Variants in GSPT2 observed in about 807,000 individuals in gnomAD.
GSPT2 encodes eukaryotic peptide chain release factor GTP-binding subunit ERF3B.
A neutral mutation model predicts 24.6 loss-of-function variants in GSPT2; 2 were observed. The ratio of observed to expected loss-of-function variants is 0.08; its 90% CI spans 0.03 to 0.26. The LOEUF (loss-of-function observed/expected upper bound fraction) is 0.26, where lower values mean the gene tolerates loss of function less well. Among genes scored for constraint, GSPT2 ranks in the 10% least tolerant of loss-of-function variants. The pLI is 1.00. For missense variants in GSPT2, 322 were observed against 489.6 expected, an observed-to-expected ratio of 0.66 and a Z score of 3.23; for synonymous variants, 194 against 189.3, an observed-to-expected ratio of 1.02 and a Z score of -0.20.
Position 51,743,548 on chromosome X carries a change from C to A in GSPT2, c.-79C>A. ...ACCCCTTGGCCCTTCGCTCTTGCTG[C>A]CTTAACCCCGCCGGCGGAGCCCGCT... On this transcript the variant is annotated 5_prime_UTR_variant, in exon 1 of 1. Transcript: ENST00000340438. The A allele has an allele frequency of 1.1e-6, 1 of 940,114 alleles. No individual in the cohort carries two copies. The highest frequency in any genetic ancestry group is 1.5e-6 in the Non-Finnish European group (1 of 682,878). The allele number at this position is 940,114 out of a possible 1,213,427, so 77.5% of individuals were successfully genotyped here.
chrX:51,745,717 C>G lies in GSPT2; in HGVS notation c.*204C>G, dbSNP rs186091471. The stretch of plus-strand genomic sequence containing the variant: ...GAATTTACCCTCAAGTTTCCTTCCT[C>G]TGTACCACTCTGCTTCCTTGGACAA... On this transcript the variant is annotated 3_prime_UTR_variant, in exon 1 of 1. Coordinates refer to ENST00000340438, the MANE Select transcript of GSPT2 (RefSeq NM_018094.5). 9.5e-6 allele frequency: 4 copies of G among 420,765 alleles called. No homozygotes were observed. The African/African-American group carries it at 1.0e-4, about 11-fold the overall frequency. The allele number at this position is 420,765 out of a possible 1,213,427, so 34.7% of individuals were successfully genotyped here.
chrX:51,743,729 G>A lies in GSPT2; in HGVS notation c.103G>A (p.Ala35Thr), dbSNP rs897970393. 4.1e-6 allele frequency: 5 copies of A among 1,209,581 alleles called. No individual in the cohort carries two copies. The highest frequency in any genetic ancestry group is 2.2e-5 in the Admixed American group (1 of 45,953). ...CCCGAGCGGGGATGGAGTCTCCTCTGCGGTGGCCGAGGCCCAGCGCGAGCC... is the reference window on the plus strand; with the variant it reads ...CCCGAGCGGGGATGGAGTCTCCTCTACGGTGGCCGAGGCCCAGCGCGAGCC... The part of the protein sequence containing the change: ...SAPSGDGVSS[A>T]VAEAQREPLS... The change falls in exon 1 of 1, where the codon GCG becomes ACG. Residue 35 changes from alanine (A) to threonine (T), a missense_variant. Physicochemically the swap from Ala to Thr is moderately conservative, Grantham distance 58 (BLOSUM62 0). Around this residue, in one of 4 missense-constraint regions of GSPT2, gnomAD observed 125 missense variants for 121.3 expected, o/e 1.03. Transcript: ENST00000340438.
Position 51,745,584 on chromosome X carries a change from T to C in GSPT2, c.*71T>C. 1.6e-6 allele frequency: 1 copy of C among 638,882 alleles called. No individual in the cohort carries two copies. Among genetic ancestry groups the C allele is most frequent in the Non-Finnish European group, 2.5e-6 (1 of 403,656 alleles). The allele number at this position is 638,882 out of a possible 1,213,427, so 52.7% of individuals were successfully genotyped here. ...AGCAAAAGTTCACCACCTACTCTTA[T>C]TTACTGCCCATTGATTGACTTTTCT... On this transcript the variant is annotated 3_prime_UTR_variant, in exon 1 of 1. Coordinates refer to ENST00000340438, the MANE Select transcript of GSPT2 (RefSeq NM_018094.5).
chrX:51,745,042 T>C lies in GSPT2; in HGVS notation c.1416T>C (p.Val472=), dbSNP rs1469937642. Residue 472 remains valine, a synonymous_variant, in exon 1 of 1, where the codon GTT becomes GTC. Transcript: ENST00000340438. The stretch of plus-strand genomic sequence containing the variant: ...TGCCAAACAAGCACAATGTAGAAGT[T>C]CTTGGAATACTTTCTGATGATACTG... ...VMMPNKHNVE[V]LGILSDDTET... 2 of 1,204,164 alleles carry C rather than the reference T, an allele frequency of 1.7e-6. No homozygotes were observed. Among genetic ancestry groups the C allele is most frequent in the Non-Finnish European group, 2.2e-6 (2 of 890,164 alleles).
Position 51,745,788 on chromosome X carries a change from T to A in GSPT2, c.*275T>A. The A allele has an allele frequency of 3.3e-6, 1 of 300,380 alleles. No homozygotes were observed. The highest frequency in any genetic ancestry group is 6.0e-6 in the Non-Finnish European group (1 of 166,635). The allele number at this position is 300,380 out of a possible 1,213,427, so 24.8% of individuals were successfully genotyped here. ...GTGATGTGGACGTAATTGCCTACAG[T>A]AATGAAAAATTAATGTACTTTAATT... On this transcript the variant is annotated 3_prime_UTR_variant, in exon 1 of 1. Coordinates refer to ENST00000340438, the MANE Select transcript of GSPT2 (RefSeq NM_018094.5).
chrX:51,744,436 A>G lies in GSPT2; in HGVS notation c.810A>G (p.Glu270=), dbSNP rs1557348896. ...AACGAGACAAGGGTAAAACAGTCGA[A>G]GTGGGTCGTGCCTATTTTGAAACAG... The part of the protein sequence containing the change: ...QEERDKGKTV[E]VGRAYFETER... Residue 270 remains glutamate (E), a synonymous_variant, in exon 1 of 1, where the codon GAA becomes GAG. Transcript: ENST00000340438. The G allele has an allele frequency of 1.7e-6, 2 of 1,210,928 alleles. No homozygotes were observed. Among genetic ancestry groups the G allele is most frequent in the Non-Finnish European group, 2.2e-6 (2 of 894,659 alleles).
In GSPT2 at chrX:51,744,465, G is replaced by A. The variant is rs967064687; in HGVS notation, c.839G>A (p.Arg280Lys). The A allele has an allele frequency of 5.8e-6, 7 of 1,211,211 alleles. No individual in the cohort carries two copies. The highest frequency in any genetic ancestry group is 1.8e-5 in the South Asian group (1 of 56,953). Residue 280 changes from arginine (R) to lysine (K), a missense_variant, in exon 1 of 1, where the codon AGG becomes AAG. By Grantham distance (26) the Arg-to-Lys change is conservative. Around this residue, in one of 4 missense-constraint regions of GSPT2, gnomAD observed 72 missense variants for 121.5 expected, o/e 0.59. Coordinates refer to ENST00000340438, the MANE Select transcript of GSPT2 (RefSeq NM_018094.5). Reference sequence around the variant, plus strand: ...GGTCGTGCCTATTTTGAAACAGAAAGGAAACATTTCACAATTTTAGATGCC... The same window carrying A: ...GGTCGTGCCTATTTTGAAACAGAAAAGAAACATTTCACAATTTTAGATGCC... ...EVGRAYFETE[R>K]KHFTILDAPG...
Position 51,745,561 on chromosome X carries a change from C to A in GSPT2, c.*48C>A. 1 of 805,970 alleles carries A rather than the reference C, an allele frequency of 1.2e-6. No individual in the cohort carries two copies. Among genetic ancestry groups the A allele is most frequent in the African/African-American group, 2.0e-5 (1 of 49,080 alleles). The allele number at this position is 805,970 out of a possible 1,213,427, so 66.4% of individuals were successfully genotyped here. A position where few individuals can be genotyped will look rare whatever the true frequency, so the allele number is the denominator to read the frequency against. On this transcript the variant is annotated 3_prime_UTR_variant, in exon 1 of 1. Coordinates refer to ENST00000340438, the MANE Select transcript of GSPT2 (RefSeq NM_018094.5). ...AAGATACTGTGAGGAGAATTGACAG[C>A]AAAAGTTCACCACCTACTCTTATTT...
In GSPT2 at chrX:51,745,500, C is replaced by T; in HGVS notation, c.1874C>T (p.Pro625Leu). Residue 625 changes from proline to leucine, a missense_variant, in exon 1 of 1, where the codon CCA becomes CTA. Coordinates refer to ENST00000340438, the MANE Select transcript of GSPT2 (RefSeq NM_018094.5). ...ATTGGAAAAGTTCTGAAATTGGTCC[C>T]AGAGAAGGACTAAGCAATTTTCTTG... ...IAIGKVLKLV[P>L]EKD 1 of 1,184,043 alleles carries T rather than the reference C, an allele frequency of 8.4e-7. No individual in the cohort carries two copies. The highest frequency in any genetic ancestry group is 3.0e-5 in the East Asian group (1 of 33,732).
chrX:51,745,668 G>T lies in GSPT2; in HGVS notation c.*155G>T, dbSNP rs1163465764. 2.2e-6 allele frequency: 1 copy of T among 455,944 alleles called. No homozygotes were observed. Among genetic ancestry groups the T allele is most frequent in the Non-Finnish European group, 3.9e-6 (1 of 258,672 alleles). The allele number at this position is 455,944 out of a possible 1,213,427, so 37.6% of individuals were successfully genotyped here. On this transcript the variant is annotated 3_prime_UTR_variant, in exon 1 of 1. Coordinates refer to ENST00000340438, the MANE Select transcript of GSPT2 (RefSeq NM_018094.5). The stretch of plus-strand genomic sequence containing the variant: ...ATTCATGTTTTGTCAGCTTTCTCAT[G>T]TTGAGATCTGTTATGTCACTGATGA...
At position 51,745,676 on chromosome X, in the gene GSPT2, C is replaced by A; in HGVS notation, c.*163C>A. ...TTTGTCAGCTTTCTCATGTTGAGAT[C>A]TGTTATGTCACTGATGAATTTACCC... On this transcript the variant is annotated 3_prime_UTR_variant, in exon 1 of 1. Transcript: ENST00000340438. The A allele has an allele frequency of 4.4e-6, 2 of 454,931 alleles. No individual in the cohort carries two copies. Among genetic ancestry groups the A allele is most frequent in the South Asian group, 3.5e-5 (1 of 28,343 alleles). The allele number at this position is 454,931 out of a possible 1,213,427, so 37.5% of individuals were successfully genotyped here.
Position 51,745,615 on chromosome X carries a change from T to C in GSPT2, c.*102T>C, listed in dbSNP as rs1433304693. ...GCCCATTGATTGACTTTTCTTCATA[T>C]TTTGCAAAGAGAAATTTCACAGCAA... On this transcript the variant is annotated 3_prime_UTR_variant, in exon 1 of 1. Coordinates refer to ENST00000340438, the MANE Select transcript of GSPT2 (RefSeq NM_018094.5). 3.6e-6 allele frequency: 2 copies of C among 548,639 alleles called. No individual in the cohort carries two copies. Among genetic ancestry groups the C allele is most frequent in the South Asian group, 3.1e-5 (1 of 32,084 alleles). 45.2% of individuals were successfully genotyped at this position (548,639 alleles called of 1,213,427 possible).
rs1419169869 is a variant in GSPT2 at position 51,746,048 on chromosome X, A to G, written c.*535A>G. 8.0e-6 allele frequency: 1 copy of G among 124,663 alleles called. No individual in the cohort carries two copies. The highest frequency in any genetic ancestry group is 1.9e-5 in the Non-Finnish European group (1 of 53,864). 10.3% of individuals were successfully genotyped at this position (124,663 alleles called of 1,213,427 possible). A position where few individuals can be genotyped will look rare whatever the true frequency, so the allele number is the denominator to read the frequency against. ...TATGTTCTATCACTTAAAAACTTAAAAACTCTTCACCACTTACTGTTTTAA... is the reference window on the plus strand; with the variant it reads ...TATGTTCTATCACTTAAAAACTTAAGAACTCTTCACCACTTACTGTTTTAA... On this transcript the variant is annotated 3_prime_UTR_variant, in exon 1 of 1. Transcript: ENST00000340438.
chrX:51,746,002 T>C lies in GSPT2; in HGVS notation c.*489T>C. The C allele has an allele frequency of 7.9e-6, 1 of 127,147 alleles. No individual in the cohort carries two copies. 10.5% of individuals were successfully genotyped at this position (127,147 alleles called of 1,213,427 possible). On this transcript the variant is annotated 3_prime_UTR_variant, in exon 1 of 1. Coordinates refer to ENST00000340438, the MANE Select transcript of GSPT2 (RefSeq NM_018094.5). ...ATGTAATGCTATTCAATTAGCTTTA[T>C]TACTTTCTCAAATAGTTGAATATGT...
In GSPT2 at chrX:51,744,071, T is replaced by A; in HGVS notation, c.445T>A (p.Ser149Thr). ...AGAGGTGGAAATGGCCCTAGAAGAATCATGGGAGCACAGTAAAGAAGTAAG... is the reference window on the plus strand; with the variant it reads ...AGAGGTGGAAATGGCCCTAGAAGAAACATGGGAGCACAGTAAAGAAGTAAG... ...NGEVEMALEE[S>T]WEHSKEVSEA... The change falls in exon 1 of 1, where the codon TCA (serine) becomes ACA (threonine). Residue 149 changes from serine (S) to threonine (T), a missense_variant. Ser to Thr is a moderately conservative substitution (Grantham distance 58, BLOSUM62 1). Around this residue, in one of 4 missense-constraint regions of GSPT2, gnomAD observed 72 missense variants for 121.5 expected, o/e 0.59. Transcript: ENST00000340438. 2 of 1,209,505 alleles carry A rather than the reference T, an allele frequency of 1.7e-6. No homozygotes were observed. Among genetic ancestry groups the A allele is most frequent in the Admixed American group, 2.2e-5 (1 of 45,927 alleles).
chrX:51,745,719 G>A lies in GSPT2; in HGVS notation c.*206G>A. On this transcript the variant is annotated 3_prime_UTR_variant, in exon 1 of 1. Coordinates refer to ENST00000340438, the MANE Select transcript of GSPT2 (RefSeq NM_018094.5). The stretch of plus-strand genomic sequence containing the variant: ...ATTTACCCTCAAGTTTCCTTCCTCT[G>A]TACCACTCTGCTTCCTTGGACAATA... 2.4e-6 allele frequency: 1 copy of A among 421,260 alleles called. No homozygotes were observed. Among genetic ancestry groups the A allele is most frequent in the East Asian group, 3.9e-5 (1 of 25,330 alleles). 34.7% of individuals were successfully genotyped at this position (421,260 alleles called of 1,213,427 possible). A position where few individuals can be genotyped will look rare whatever the true frequency, so the allele number is the denominator to read the frequency against.
rs1336430358 is a variant in GSPT2, at chrX:51,746,096, A to G, written c.*583A>G. 5 of 124,244 alleles carry G rather than the reference A, an allele frequency of 4.0e-5. No homozygotes were observed. In the East Asian group the frequency reaches 8.3e-4, roughly 21 times the overall value. The allele number at this position is 124,244 out of a possible 1,213,427, so 10.2% of individuals were successfully genotyped here. A position where few individuals can be genotyped will look rare whatever the true frequency, so the allele number is the denominator to read the frequency against. ...TAAGTGAGGAATTTACAAACAATGC[A>G]TAAGTGTGTATTAAAGGAATAATTT... is the stretch of plus-strand genomic sequence containing the variant. On this transcript the variant is annotated 3_prime_UTR_variant, in exon 1 of 1. Transcript: ENST00000340438.
rs1289883823 is a variant in GSPT2 at position 51,745,605 on chromosome X, TTTC to T, written c.*96_*98del. 7 of 568,504 alleles carry T rather than the reference TTTC, an allele frequency of 1.2e-5. No homozygotes were observed. In the African/African-American group the frequency reaches 1.6e-4, roughly 13 times the overall value. The allele number at this position is 568,504 out of a possible 1,213,427, so 46.9% of individuals were successfully genotyped here. The stretch of plus-strand genomic sequence containing the variant: ...CTTATTTACTGCCCATTGATTGACT[TTTC>T]TTCATATTTTGCAAAGAGAAATTTC... On this transcript the variant is annotated 3_prime_UTR_variant, in exon 1 of 1. Coordinates refer to ENST00000340438, the MANE Select transcript of GSPT2 (RefSeq NM_018094.5).
In GSPT2 at chrX:51,745,033, T is replaced by C. The variant is rs1333114485; in HGVS notation, c.1407T>C (p.Asn469=). The part of the protein sequence containing the change: ...QQLVMMPNKH[N]VEVLGILSDD... The stretch of plus-strand genomic sequence containing the variant: ...TCGTGATGATGCCAAACAAGCACAA[T>C]GTAGAAGTTCTTGGAATACTTTCTG... Residue 469 remains asparagine (N), a synonymous_variant, in exon 1 of 1, where the codon AAT becomes AAC. Coordinates refer to ENST00000340438, the MANE Select transcript of GSPT2 (RefSeq NM_018094.5). The C allele has an allele frequency of 1.7e-6, 2 of 1,204,235 alleles. No individual in the cohort carries two copies. The highest frequency in any genetic ancestry group is 3.0e-5 in the East Asian group (1 of 33,730).
Sources: allele counts gnomAD v4.1 joint callset, GRCh38; gene constraint gnomAD v4.1.1; regional missense constraint gnomAD v4.1.1; transcripts MANE v1.5; gene names NCBI Gene and HGNC (gene_info 2026-07-23, HGNC 2026-07-21).